Variants in CDH23 observed in about 807,000 individuals in gnomAD.
CDH23 encodes cadherin-23.
CDH23 carries 189 observed loss-of-function variants against 317.1 expected under a neutral mutation model. That is an observed-to-expected ratio of 0.60 (90% CI 0.53 to 0.67). CDH23 has a LOEUF of 0.67. Ranked by LOEUF, CDH23 falls within the 30% of genes least tolerant of loss-of-function variation. The pLI is 0.00. For synonymous variants in CDH23, 1,839 were observed against 1,876.8 expected, an observed-to-expected ratio of 0.98 and a Z score of 0.52; for missense variants, 4,401 against 4,592.4, an observed-to-expected ratio of 0.96 and a Z score of 1.20.
chr10:71,724,092 C>T lies in CDH23; in HGVS notation c.3417C>T (p.Tyr1139=). 1 of 1,558,626 alleles carries T rather than the reference C, an allele frequency of 6.4e-7. No individual in the cohort carries two copies. The highest frequency in any genetic ancestry group is 8.7e-7 in the Non-Finnish European group (1 of 1,150,846). ...AGGGCGAGTTTGGGCGTGTGTGGTA[C>T]CGCATCCTCCATGGTAAGTGGGGCT... is the stretch of plus-strand genomic sequence containing the variant. ...ADEGEFGRVW[Y]RILHGNHGNN... The change falls in exon 29 of 70, where the codon TAC becomes TAT. Residue 1139 remains tyrosine, a synonymous_variant. Transcript: ENST00000224721.
At chr10:71,753,504 T>C (rs1251476475) in intron 38 of CDH23, among the ~76,000 whole-genome samples, 1 of 152,204 alleles carries the variant, frequency 6.6e-6, no homozygotes, top group African/African-American at 2.4e-5. Flanking sequence ...ATCCCCTACA[T>C]TGCCTAATAG....
intron 38 of CDH23, among the ~76,000 whole-genome samples, chr10:71,774,097 T>C (rs1589413974): frequency 6.8e-6 from 1 of 147,792 alleles, no homozygotes; most frequent in African/African-American, 2.5e-5. Flanking sequence ...ACAGAACAGG[T>C]GCAGGACTAC....
At chr10:71,697,986 C>T (rs754599161) in intron 22 of CDH23, among the ~76,000 whole-genome samples, 20 of 152,228 alleles carry the variant, frequency 1.3e-4, no homozygotes, top group Non-Finnish European at 2.5e-4. Context: ...GATAAAAGGG[C>T]AAAATCAAAA....
intron 20 of CDH23, among the ~76,000 whole-genome samples, chr10:71,692,439 G>A (rs1865220095): frequency 6.6e-6 from 1 of 152,220 alleles, no homozygotes; most frequent in African/African-American, 2.4e-5. Flanking sequence ...CACAGAGGTG[G>A]CCTTAATTGG....
chr10:71,510,245 T>A (rs1479504935), intron 4 of CDH23, 21 bp downstream of exon 4: 2 of 1,610,260 alleles, frequency 1.2e-6, no homozygotes, highest in Non-Finnish European at 1.7e-6. Flanking sequence ...CCCATACCCC[T>A]GCCCCAATTC....
At chr10:71,463,469 A>G (rs984913946) in intron 3 of CDH23, among the ~76,000 whole-genome samples, 16 of 151,978 alleles carry the variant, frequency 1.1e-4, no homozygotes, top group African/African-American at 3.6e-4. Flanking sequence ...GTTGAGGGCC[A>G]CCCCGCATCC....
At chr10:71,652,196 G>T (rs1258589119) in intron 14 of CDH23, among the ~76,000 whole-genome samples, 1 of 152,194 alleles carries the variant, frequency 6.6e-6, no homozygotes, top group East Asian at 1.9e-4. Flanking sequence ...GACAGACAGG[G>T]CTGGCTGGAG....
intron 14 of CDH23, chr10:71,647,185 G>C: frequency 1.3e-6 from 1 of 755,222 alleles, no homozygotes; most frequent in Non-Finnish European, 1.6e-6. Flanking sequence ...ATTTCAGGCC[G>C]GGCTCGGTGG....
Position 71,397,269 on chromosome 10 carries a change from GC to G in CDH23, c.-54del. ...CCCGCGGGGGCCGATCCGGCGGAGA[GC>G]AGAGCCCGAGGCGAGGCGAGGCGCG... is the stretch of plus-strand genomic sequence containing the variant. On this transcript the variant is annotated 5_prime_UTR_variant, in exon 1 of 70. Transcript: ENST00000224721. This position sits in a 1 kb window ranked among gnomAD's most constrained non-coding sequence, Gnocchi z 4.8. The G allele has an allele frequency of 5.6e-6, 1 of 177,242 alleles. No homozygotes were observed. Among genetic ancestry groups the G allele is most frequent in the Non-Finnish European group, 1.2e-5 (1 of 85,686 alleles). The allele number at this position is 177,242 out of a possible 1,614,324, so 11.0% of individuals were successfully genotyped here.
chr10:71,427,638 C>T (rs1471487713), intron 1 of CDH23, among the ~76,000 whole-genome samples: 1 of 151,866 alleles, frequency 6.6e-6, no homozygotes, highest in Non-Finnish European at 1.5e-5. Context: ...ATACAGGTTC[C>T]AGTTTTTGCT....
At chr10:71,640,524 C>T (rs7903968) in intron 11 of CDH23, among the ~76,000 whole-genome samples, 33,459 of 152,064 alleles carry the variant, frequency 0.22, 5,003 homozygotes, top group African/African-American at 0.42. Flanking sequence ...CCGAGGCAGG[C>T]GGATCATGAG....
chr10:71,527,710 C>G (rs1012939527), intron 6 of CDH23, among the ~76,000 whole-genome samples: 2 of 152,156 alleles, frequency 1.3e-5, no homozygotes, highest in African/African-American at 4.8e-5. Context: ...GAATTCTGAC[C>G]CTGTGCAAGT....
chr10:71,563,739 C>T (rs1284445524), intron 6 of CDH23, among the ~76,000 whole-genome samples: 6 of 148,710 alleles, frequency 4.0e-5, no homozygotes, highest in African/African-American at 4.9e-5. Context: ...CTTTTTTTTT[C>T]TTTTTTCTTT....
At chr10:71,755,599 C>A in intron 38 of CDH23, 1 of 777,902 alleles carries the variant, frequency 1.3e-6, no homozygotes. Flanking sequence ...GCTAGACCCC[C>A]AGCAACCTAC....
chr10:71,803,451 C>A, intron 55 of CDH23, 31 bp downstream of exon 55: 2 of 1,539,736 alleles, frequency 1.3e-6, no homozygotes, highest in Non-Finnish European at 1.8e-6. Flanking sequence ...TCCTGCCCAC[C>A]AGTATTTCCT....
chr10:71,441,649 G>C (rs1849885386), intron 2 of CDH23, among the ~76,000 whole-genome samples: 1 of 152,082 alleles, frequency 6.6e-6, no homozygotes, highest in East Asian at 1.9e-4. Flanking sequence ...TGGAACCCAG[G>C]AGGCGGAGGT....
intron 9 of CDH23, among the ~76,000 whole-genome samples, chr10:71,592,659 C>T (rs1382377549): frequency 5.3e-5 from 8 of 152,210 alleles, no homozygotes; most frequent in Non-Finnish European, 1.2e-4. Context: ...CCCACCCAGA[C>T]AATCCATGCT....
At chr10:71,662,404 C>T (rs1485612272) in intron 14 of CDH23, among the ~76,000 whole-genome samples, 1 of 152,170 alleles carries the variant, frequency 6.6e-6, no homozygotes, top group Non-Finnish European at 1.5e-5. Context: ...TCTCCACCTT[C>T]CCACTAGACT....
intron 1 of CDH23, among the ~76,000 whole-genome samples, chr10:71,402,361 T>G (rs1224252245): frequency 3.9e-5 from 6 of 152,206 alleles, no homozygotes; most frequent in Non-Finnish European, 8.8e-5. Flanking sequence ...ATGCATTCAC[T>G]TCGTGATTTT....
Sources: gnomAD v4.1 joint callset for allele counts (sites outside exome capture counted in the v4.1 genomes callset) on GRCh38, gnomAD v4.1.1 for gene constraint, Gnocchi (gnomAD v3.1) non-coding constraint, MANE v1.5 for transcripts, NCBI Gene and HGNC (gene_info 2026-07-23, HGNC 2026-07-21) for gene names.